Variants in MYH13 observed in about 807,000 individuals in gnomAD.
MYH13 encodes the protein myosin heavy chain 13.
Under a neutral mutation model 232.1 loss-of-function variants are expected in MYH13, and 177 were observed. That is an observed-to-expected ratio of 0.76 (90% CI 0.67 to 0.86). The LOEUF is 0.86. Ranked by LOEUF, MYH13 falls within the 40% of genes least tolerant of loss-of-function variation. The pLI is 0.00. For missense variants in MYH13, 2,246 were observed against 2,405.9 expected, an observed-to-expected ratio of 0.93 and a Z score of 1.39; for synonymous variants, 884 against 923.5, an observed-to-expected ratio of 0.96 and a Z score of 0.78.
chr17:10,326,993 T>G (rs1395012396), intron 22 of MYH13, among the ~76,000 whole-genome samples: 16 of 29,454 alleles, frequency 5.4e-4, no homozygotes, highest in Non-Finnish European at 7.8e-4. Flanking sequence ...TTTTTTTTTT[T>G]TTTTTTTTTT....
rs1298372456 is a variant in MYH13 at position 10,346,767 on chromosome 17, C to A, written c.1176G>T (p.Leu392=). ...VADKAGYLMG[L]NSAEMLKGLC... is the part of the protein sequence containing the mutation. ...GGCCCTTCAGCATTTCTGCAGAATT[C>A]AGTCCCATCAGGTATCCGGCTTTGT... is the stretch of plus-strand genomic sequence containing the variant. The change falls in exon 13 of 41, where the codon CTG becomes CTT. Residue 392 remains leucine, a synonymous_variant. Transcript: ENST00000252172. The A allele has an allele frequency of 6.2e-7, 1 of 1,613,932 alleles. No homozygotes were observed. The highest frequency in any genetic ancestry group is 8.5e-7 in the Non-Finnish European group (1 of 1,179,850).
At chr17:10,341,693 G>A (rs1467417798) in intron 16 of MYH13, among the ~76,000 whole-genome samples, 4 of 152,186 alleles carry the variant, frequency 2.6e-5, no homozygotes, top group Non-Finnish European at 4.4e-5. Context: ...CAGGAAAGTC[G>A]CTTCCCCAAA....
In MYH13 at chr17:10,307,068, C is replaced by T. The variant is rs376139747; in HGVS notation, c.5170-4G>A. 3.7e-6 allele frequency: 6 copies of T among 1,613,568 alleles called. No homozygotes were observed. The highest frequency in any genetic ancestry group is 2.2e-5 in the East Asian group (1 of 44,896). ...TGGTATTTATCAGGCTTGTGTTCTA[C>T]AAGAAGAATTAGATATCAGGGGTGT... On this transcript the variant is annotated splice_polypyrimidine_tract_variant and splice_region_variant and intron_variant, in intron 35 of 40. Transcript: ENST00000252172.
intron 18 of MYH13, among the ~76,000 whole-genome samples, chr17:10,334,000 T>C (rs1907502781): frequency 6.6e-6 from 1 of 151,564 alleles, no homozygotes; most frequent in African/African-American, 2.4e-5. Flanking sequence ...GCCCCTGCTA[T>C]AGGAATTGGG....
Position 10,320,180 on chromosome 17 carries a change from C to G in MYH13, c.3321G>C (p.Gln1107His), listed in dbSNP as rs769541871. Residue 1107 changes from glutamine (Q) to histidine (H), a missense_variant, in exon 26 of 41, where the codon CAG becomes CAC. By Grantham distance (24) the Gln-to-His change is conservative. Transcript: ENST00000252172. Reference protein sequence around the residue: ...KIDDEQVHSLQFQKKIKELQA... With the variant: ...KIDDEQVHSLHFQKKIKELQA... ...GCAGTTCTTTAATCTTCTTTTGAAA[C>G]TGCAAACTGTGGACTTGTTCGTCAT... 8 of 1,599,418 alleles carry G rather than the reference C, an allele frequency of 5.0e-6. No homozygotes were observed. Among genetic ancestry groups the G allele is most frequent in the Non-Finnish European group, 5.1e-6 (6 of 1,172,272 alleles).
Position 10,345,356 on chromosome 17 carries a change from T to A in MYH13, c.1430A>T (p.Gln477Leu), listed in dbSNP as rs1404243500. 5 of 1,614,254 alleles carry A rather than the reference T, an allele frequency of 3.1e-6. No individual in the cohort carries two copies. The highest frequency in any genetic ancestry group is 4.2e-6 in the Non-Finnish European group (5 of 1,180,046). The change falls in exon 15 of 41, where the codon CAG (glutamine) becomes CTG (leucine). Residue 477 changes from glutamine to leucine, a missense_variant. Transcript: ENST00000252172. Reference protein sequence around the residue: ...FEIFDFNSLEQLCINFTNEKL... With the variant: ...FEIFDFNSLELLCINFTNEKL... ...CTCATTGGTGAAGTTGATGCACAGC[T>A]GCTCCAGGCTGTTGAACTGGGTGAT...
intron 16 of MYH13, among the ~76,000 whole-genome samples, chr17:10,343,213 T>C (rs549248956): frequency 6.6e-6 from 1 of 152,202 alleles, no homozygotes; most frequent in Non-Finnish European, 1.5e-5. Flanking sequence ...AATTTTTTTT[T>C]TTTTAATAGA....
intron 27 of MYH13, among the ~76,000 whole-genome samples, chr17:10,318,235 A>G (rs557860475): frequency 6.6e-6 from 1 of 152,290 alleles, no homozygotes; most frequent in Non-Finnish European, 1.5e-5. Context: ...AGAGCGAAAC[A>G]GTGGTGCCAG....
intron 5 of MYH13, among the ~76,000 whole-genome samples, chr17:10,360,645 G>C (rs1473646548): frequency 6.6e-6 from 1 of 152,100 alleles, no homozygotes; most frequent in African/African-American, 2.4e-5. Flanking sequence ...TTACAATAGA[G>C]CATGGATTGA....
intron 3 of MYH13, among the ~76,000 whole-genome samples, chr17:10,363,310 C>T (rs1197450930): frequency 8.4e-5 from 7 of 83,090 alleles, no homozygotes; most frequent in African/African-American, 2.9e-4. Context: ...AGTGAGACTC[C>T]GTCTCAAAAA....
intron 21 of MYH13, among the ~76,000 whole-genome samples, chr17:10,328,800 C>A (rs1907314531): frequency 6.6e-6 from 1 of 151,904 alleles, no homozygotes; most frequent in African/African-American, 2.4e-5. Context: ...GGCTCAGCCT[C>A]CCAAGTAGCT....
At chr17:10,322,779 GTC>G (rs1907014308) in intron 23 of MYH13, among the ~76,000 whole-genome samples, 1 of 151,866 alleles carries the variant, frequency 6.6e-6, no homozygotes, top group African/African-American at 2.4e-5. Context: ...GACTACAGGC[GTC>G]CGCCACCACG....
Position 10,306,657 on chromosome 17 carries a change from G to T in MYH13, c.5296-28C>A. 6.2e-7 allele frequency: 1 copy of T among 1,612,920 alleles called. No individual in the cohort carries two copies. Reference sequence around the variant, plus strand: ...GGTTAAGTTCACAGGACACATCAGAGGCCCTGTCCGCCCATCCCTACCCAG... The same window carrying T: ...GGTTAAGTTCACAGGACACATCAGATGCCCTGTCCGCCCATCCCTACCCAG... On this transcript the variant is annotated intron_variant, in intron 36 of 40. Coordinates refer to ENST00000252172, the MANE Select transcript of MYH13 (RefSeq NM_003802.3). This position sits in a 1 kb window ranked among gnomAD's most constrained non-coding sequence, Gnocchi z 4.3.
Position 10,354,672 on chromosome 17 carries a change from A to T in MYH13, c.1005+8T>A, listed in dbSNP as rs1258966231. ...GTGCATAAACAGACAAATAAATGGC[A>T]TGCTTACATCTGTCGCCAGCAGTTC... is the stretch of plus-strand genomic sequence containing the variant. On this transcript the variant is annotated splice_region_variant and intron_variant, in intron 11 of 40. Coordinates refer to ENST00000252172, the MANE Select transcript of MYH13 (RefSeq NM_003802.3). The T allele has an allele frequency of 1.2e-6, 2 of 1,608,216 alleles. No individual in the cohort carries two copies. The highest frequency in any genetic ancestry group is 1.1e-5 in the South Asian group (1 of 90,860).
chr17:10,322,384 G>A (rs867350503), intron 23 of MYH13, among the ~76,000 whole-genome samples: 21 of 152,112 alleles, frequency 1.4e-4, no homozygotes, highest in Admixed American at 3.9e-4. Context: ...GTGACAGAGC[G>A]AGACTCCGTC....
At chr17:10,319,291 T>C (rs1906844972) in intron 26 of MYH13, 112 bp from the exon 27 acceptor site, 2 of 1,310,792 alleles carry the variant, frequency 1.5e-6, no homozygotes, top group Non-Finnish European at 2.0e-6. Context: ...GGTGGGTCAT[T>C]TGAGGTCAGG....
chr17:10,335,764 AGAG>A (rs1296456234), intron 18 of MYH13, among the ~76,000 whole-genome samples: 1 of 151,124 alleles, frequency 6.6e-6, no homozygotes, highest in East Asian at 2.2e-4. Flanking sequence ...TGAAAAAAAA[AGAG>A]AGAGAGAGAA....
Position 10,344,098 on chromosome 17 carries a change from G to T in MYH13, c.1596C>A (p.Ile532=), listed in dbSNP as rs2071641276. 6.2e-7 allele frequency: 1 copy of T among 1,614,010 alleles called. No individual in the cohort carries two copies. Among genetic ancestry groups the T allele is most frequent in the East Asian group, 2.2e-5 (1 of 44,882 alleles). ...CIELIEKPMG[I]FSILEEECMF... is the part of the protein sequence containing the mutation. ...TGCACTCCTCTTCCAGGATGGAGAA[G>T]ATGCCCATAGGCTGGAAAGAGGATA... The change falls in exon 16 of 41, where the codon ATC becomes ATA. Residue 532 remains isoleucine, a synonymous_variant. Coordinates refer to ENST00000252172, the MANE Select transcript of MYH13 (RefSeq NM_003802.3).
intron 32 of MYH13, among the ~76,000 whole-genome samples, chr17:10,311,498 T>A (rs547644071): frequency 6.6e-6 from 1 of 152,178 alleles, no homozygotes; most frequent in Admixed American, 6.5e-5. Context: ...AAAACAACTG[T>A]GGGGAAAACG....
Sources: gnomAD v4.1 joint callset for allele counts (sites outside exome capture counted in the v4.1 genomes callset) on GRCh38, gnomAD v4.1.1 for gene constraint, Gnocchi (gnomAD v3.1) non-coding constraint, MANE v1.5 for transcripts, NCBI Gene and HGNC (gene_info 2026-07-23, HGNC 2026-07-21) for gene names.